The following HDAC9 variants were observed in gnomAD, a reference collection of about 807,000 sequenced individuals.
HDAC9 encodes histone deacetylase 9.
A neutral mutation model predicts 139.4 loss-of-function variants in HDAC9; 41 were observed. The observed-to-expected ratio is 0.29, with a 90% CI of 0.23 to 0.38. The LOEUF (loss-of-function observed/expected upper bound fraction) is 0.38. Ranked by LOEUF, HDAC9 falls within the 10% of genes least tolerant of loss-of-function variation. HDAC9 has a pLI of 1.00. For synonymous variants in HDAC9, 517 were observed against 476.2 expected (o/e 1.09, Z -1.12); for missense variants, 1,147 against 1,297.0 (o/e 0.88, Z 1.78).
chr7:18,615,644 C>T (rs1396433469), intron 6 of HDAC9, among the ~76,000 whole-genome samples: 1 of 152,136 alleles, frequency 6.6e-6, no homozygotes, highest in African/African-American at 2.4e-5. Context: ...TTTGTCCTGG[C>T]ATTTTTGCTG....
intron 15 of HDAC9, among the ~76,000 whole-genome samples, chr7:18,762,570 T>C (rs1789483963): frequency 6.6e-6 from 1 of 152,228 alleles, no homozygotes; most frequent in African/African-American, 2.4e-5. Context: ...GCTGAATTTA[T>C]TGTGTTTTCA....
At chr7:18,947,587 A>G (rs1782494221) in intron 23 of HDAC9, among the ~76,000 whole-genome samples, 1 of 152,040 alleles carries the variant, frequency 6.6e-6, no homozygotes, top group African/African-American at 2.4e-5. Context: ...TTCTTTAATT[A>G]CTTACAAAAC....
intron 21 of HDAC9, among the ~76,000 whole-genome samples, chr7:18,853,252 C>T (rs1342296817): frequency 1.3e-5 from 2 of 151,934 alleles, no homozygotes; most frequent in Non-Finnish European, 2.9e-5. Context: ...TAAATATGTC[C>T]AGGACTTTTG....
At chr7:18,509,486 A>G in intron 2 of HDAC9, 2 of 969,906 alleles carry the variant, frequency 2.1e-6, no homozygotes, top group Non-Finnish European at 2.5e-6. Context: ...TGATTATCTC[A>G]TTCAATCAGT....
intron 1 of HDAC9, among the ~76,000 whole-genome samples, chr7:18,422,083 G>A (rs2162564): frequency 0.27 from 40,395 of 152,034 alleles, 6,429 homozygotes; most frequent in Admixed American, 0.37. Context: ...TTATTTTCCA[G>A]ATGATATAAA....
At chr7:18,214,739 C>G (rs1321258277) in intron 2 of HDAC9, among the ~76,000 whole-genome samples, 1 of 151,852 alleles carries the variant, frequency 6.6e-6, no homozygotes, top group East Asian at 1.9e-4. Flanking sequence ...TTTTATTTAA[C>G]AAAGTGAGAT....
intron 1 of HDAC9, among the ~76,000 whole-genome samples, chr7:18,295,041 C>T (rs1184196124): frequency 6.6e-6 from 1 of 151,964 alleles, no homozygotes; most frequent in East Asian, 1.9e-4. Context: ...AATTTACATG[C>T]TTTTGAAACA....
At chr7:18,930,265 C>T (rs751424419) in intron 22 of HDAC9, among the ~76,000 whole-genome samples, 2 of 152,136 alleles carry the variant, frequency 1.3e-5, no homozygotes, top group Non-Finnish European at 2.9e-5. Context: ...TCAGCCCTCA[C>T]ACTCAAAACA....
At chr7:18,126,828 G>A (rs1179577691) in intron 1 of HDAC9, among the ~76,000 whole-genome samples, 2 of 152,274 alleles carry the variant, frequency 1.3e-5, no homozygotes. Flanking sequence ...AAAGATAGTA[G>A]TAGTTTGATT....
At position 18,882,450 on chromosome 7, in the gene HDAC9, T is replaced by C. The variant is rs1799806696; in HGVS notation, c.2803+7854T>C. The stretch of plus-strand genomic sequence containing the variant: ...TTAACACCTGCTTGAATCTAATTGG[T>C]GAGAAACTCATTTAATCTCTGCTCA... On this transcript the variant is annotated intron_variant, in intron 22 of 25. Coordinates refer to ENST00000686413, the MANE Select transcript of HDAC9 (RefSeq NM_178425.4). Among the ~76,000 whole-genome samples the C allele has an allele frequency of 2.0e-5, 3 of 152,030 alleles. No individual in the cohort carries two copies. In the South Asian group the frequency reaches 6.2e-4, roughly 31 times the overall value.
chr7:18,549,053 T>TA (rs1816197688), intron 2 of HDAC9, among the ~76,000 whole-genome samples: 2 of 151,990 alleles, frequency 1.3e-5, no homozygotes, highest in South Asian at 4.2e-4. Context: ...TCCTGACCAA[T>TA]ATGGTGAAAC....
Position 18,581,074 on chromosome 7 carries a change from G to A in HDAC9, c.23-4207G>A, listed in dbSNP as rs3807910. Among the ~76,000 whole-genome samples the A allele has an allele frequency of 5.3e-5, 8 of 152,176 alleles. No homozygotes were observed. In the East Asian group the frequency reaches 1.5e-3, roughly 29 times the overall value. ...AGATGAGCTATTGTCCAAGTAACAG[G>A]AACTAATCTAGCAGGCCAAAGATGA... On this transcript the variant is annotated intron_variant, in intron 2 of 25. Transcript: ENST00000686413.
At chr7:18,312,408 C>G (rs1799377735) in intron 1 of HDAC9, among the ~76,000 whole-genome samples, 1 of 152,056 alleles carries the variant, frequency 6.6e-6, no homozygotes, top group Non-Finnish European at 1.5e-5. Context: ...TTTTCTGTGC[C>G]TTGAATTTAT....
chr7:18,216,877 A>G (rs1288655094), intron 2 of HDAC9, among the ~76,000 whole-genome samples: 3 of 152,148 alleles, frequency 2.0e-5, no homozygotes, highest in Non-Finnish European at 4.4e-5. Context: ...TGCCACCTAT[A>G]ATATTGTCAT....
intron 1 of HDAC9, among the ~76,000 whole-genome samples, chr7:18,120,369 T>G (rs1469660387): frequency 2.0e-5 from 3 of 152,172 alleles, no homozygotes; most frequent in African/African-American, 7.2e-5. Flanking sequence ...GATGTTATGC[T>G]CATCTTGTAG....
intron 16 of HDAC9, among the ~76,000 whole-genome samples, chr7:18,791,495 A>C (rs779252461): frequency 6.6e-6 from 1 of 152,178 alleles, no homozygotes; most frequent in Non-Finnish European, 1.5e-5. Flanking sequence ...ACAACTACTT[A>C]TTTATATTGG....
At chr7:18,360,137 A>C (rs1485220226) in intron 1 of HDAC9, among the ~76,000 whole-genome samples, 2 of 152,162 alleles carry the variant, frequency 1.3e-5, no homozygotes. Flanking sequence ...TCTTGGACTC[A>C]ACTATAATTG....
intron 1 of HDAC9, among the ~76,000 whole-genome samples, chr7:18,402,891 A>T (rs1273164097): frequency 6.6e-6 from 1 of 152,232 alleles, no homozygotes. Context: ...ATCTAAAAAA[A>T]ATCCACAGGA....
At chr7:18,114,609 G>A (rs1213930735) in intron 1 of HDAC9, among the ~76,000 whole-genome samples, 2 of 152,140 alleles carry the variant, frequency 1.3e-5, no homozygotes, top group South Asian at 2.1e-4. Flanking sequence ...CCTTCTGGCG[G>A]AGAGGATCCA....
Sources: allele counts gnomAD v4.1 joint callset (sites outside exome capture counted in the v4.1 genomes callset), GRCh38; gene constraint gnomAD v4.1.1; transcripts MANE v1.5; gene names NCBI Gene and HGNC (gene_info 2026-07-23, HGNC 2026-07-21).